ZNF43: variants seen among roughly 807,000 people sequenced by gnomAD.
ZNF43 encodes zinc finger protein 39-like 1 (KOX 27).
Under a neutral mutation model 68.4 loss-of-function variants are expected in ZNF43, and 44 were observed. The observed-to-expected ratio is 0.64, with a 90% CI of 0.51 to 0.83. The LOEUF (loss-of-function observed/expected upper bound fraction) is 0.83. ZNF43 is among the 40% of genes least tolerant of loss of function. The probability of loss-of-function intolerance (pLI) is 0.00; values close to 1 mark genes in which losing one functional copy is unlikely to be tolerated. For missense variants in ZNF43, 896 were observed against 933.2 expected (o/e 0.96, Z 0.52); for synonymous variants, 308 against 307.8 (o/e 1.00, Z -0.01).
rs748431447 is a variant in ZNF43, at chr19:21,809,363, G to C, written c.674C>G (p.Thr225Ser). The C allele has an allele frequency of 1.9e-6, 3 of 1,613,704 alleles. No homozygotes were observed. The highest frequency in any genetic ancestry group is 2.5e-6 in the Non-Finnish European group (3 of 1,179,872). The change falls in exon 4 of 4, where the codon ACT (threonine) becomes AGT (serine). Residue 225 changes from threonine to serine, a missense_variant. By Grantham distance (58) the Thr-to-Ser change is moderately conservative (BLOSUM62 1). Transcript: ENST00000354959. ...SIITKHKRINTGEKPYTCEEC... is the reference protein window; with the variant it reads ...SIITKHKRINSGEKPYTCEEC... ...TTCACATGTGTAGGGTTTCTCTCCA[G>C]TATTAATTCTCTTATGTTTAGTGAT... is the stretch of plus-strand genomic sequence containing the variant.
Position 21,836,176 on chromosome 19 carries a change from C to CAGAG in ZNF43, c.-142_-139dup. The CAGAG allele has an allele frequency of 1.3e-6, 2 of 1,537,094 alleles. No individual in the cohort carries two copies. Among genetic ancestry groups the CAGAG allele is most frequent in the East Asian group, 2.3e-5 (1 of 43,144 alleles). On this transcript the variant is annotated 5_prime_UTR_variant, in exon 1 of 4. Coordinates refer to ENST00000354959, the MANE Select transcript of ZNF43 (RefSeq NM_003423.4). ...CGAGACGCAGAGCTCCAACTGCAGC[C>CAGAG]AGAGACAAAGGCCCCGCCACATCCC...
At chr19:21,829,851 ACAT>A (rs1029318815) in intron 1 of ZNF43, among the ~76,000 whole-genome samples, 1 of 152,176 alleles carries the variant, frequency 6.6e-6, no homozygotes, top group Non-Finnish European at 1.5e-5. Context: ...ACAAAACCTG[ACAT>A]CATAAAAGAA....
intron 1 of ZNF43, among the ~76,000 whole-genome samples, chr19:21,832,132 T>C (rs541091519): frequency 6.6e-6 from 1 of 152,280 alleles, no homozygotes; most frequent in East Asian, 1.9e-4. Context: ...GACTTCAAAC[T>C]ATACCACAGG....
chr19:21,843,453 C>T (rs1967677881), intron 1 of ZNF43: 14 of 885,758 alleles, frequency 1.6e-5, no homozygotes, highest in Non-Finnish European at 1.9e-5. Flanking sequence ...TGAATCCATG[C>T]ATAACAACCT....
intron 1 of ZNF43, among the ~76,000 whole-genome samples, chr19:21,835,439 C>A (rs1240019220): frequency 7.0e-6 from 1 of 143,770 alleles, no homozygotes; most frequent in African/African-American, 2.6e-5. Context: ...CTCACTGCAT[C>A]CTCCGCCTCC....
chr19:21,843,465 A>C, intron 1 of ZNF43: 148 of 837,434 alleles, frequency 1.8e-4, no homozygotes, highest in Non-Finnish European at 2.0e-4. Flanking sequence ...TAACAACCTC[A>C]ATCTCTTCTG....
At chr19:21,823,233 G>A (rs577051730) in intron 1 of ZNF43, among the ~76,000 whole-genome samples, 1 of 152,258 alleles carries the variant, frequency 6.6e-6, no homozygotes, top group South Asian at 2.1e-4. Flanking sequence ...ATTCCTGGAT[G>A]ATAGGGATGA....
chr19:21,813,140 G>A (rs1355713378), intron 3 of ZNF43, among the ~76,000 whole-genome samples: 1 of 151,836 alleles, frequency 6.6e-6, no homozygotes, highest in African/African-American at 2.4e-5. Context: ...TACTCAGGAA[G>A]CTGAGGCAGA....
chr19:21,839,059 T>C (rs1277753561), upstream of ZNF43: 2 of 152,088 alleles, frequency 1.3e-5, no homozygotes, highest in African/African-American at 2.4e-5. Flanking sequence ...CCCCTAGATG[T>C]TGGTCTCAGC....
intron 1 of ZNF43, among the ~76,000 whole-genome samples, chr19:21,848,718 T>G (rs908568402): frequency 1.3e-5 from 2 of 152,212 alleles, no homozygotes; most frequent in Non-Finnish European, 2.9e-5. Flanking sequence ...AAAGGTCCAG[T>G]GATCAATTAA....
chr19:21,829,770 T>C (rs548428764), intron 1 of ZNF43, among the ~76,000 whole-genome samples: 4 of 152,186 alleles, frequency 2.6e-5, no homozygotes, highest in Admixed American at 6.5e-5. Flanking sequence ...TCTGGACATA[T>C]TGAACTCTTG....
upstream of ZNF43, among the ~76,000 whole-genome samples, chr19:21,839,345 A>AAG (rs1967344912): frequency 1.3e-5 from 2 of 150,538 alleles, no homozygotes; most frequent in African/African-American, 4.9e-5. Context: ...AAAAAAAAAA[A>AAG]AAAAAAAAAA....
intron 1 of ZNF43, among the ~76,000 whole-genome samples, chr19:21,829,894 A>G (rs1423073421): frequency 1.3e-5 from 2 of 152,192 alleles, no homozygotes; most frequent in South Asian, 2.1e-4. Flanking sequence ...CTGACCTCTA[A>G]GCTAACAGAG....
At position 21,808,997 on chromosome 19, in the gene ZNF43, C is replaced by G. The variant is rs1400909762; in HGVS notation, c.1040G>C (p.Cys347Ser). Residue 347 changes from cysteine to serine, a missense_variant, in exon 4 of 4, where the codon TGT (cysteine) becomes TCT (serine). Transcript: ENST00000354959. ...TGEKPYTCEE[C>S]GKAFNQFSNL... ...TGAGAACTGGTTAAAGGCTTTGCCA[C>G]ATTCTTCACATGTGTAGGGTTTCTC... 1 of 1,613,548 alleles carries G rather than the reference C, an allele frequency of 6.2e-7. No individual in the cohort carries two copies. The highest frequency in any genetic ancestry group is 8.5e-7 in the Non-Finnish European group (1 of 1,179,742).
chr19:21,849,488 CAAAAAAAAAAAAA>C (rs35354919), intron 1 of ZNF43, among the ~76,000 whole-genome samples: 3 of 29,496 alleles, frequency 1.0e-4, no homozygotes, highest in Non-Finnish European at 2.0e-4. Context: ...AACCCTGCCT[CAAAAAAAAAAAAA>C]AAAAAAAAAA....
intron 1 of ZNF43, among the ~76,000 whole-genome samples, chr19:21,850,345 G>A (rs1384182087): frequency 6.6e-6 from 1 of 150,872 alleles, no homozygotes; most frequent in Non-Finnish European, 1.5e-5. Flanking sequence ...GGTGGATCAC[G>A]AGGTCAGGAG....
At chr19:21,836,001 T>C (rs766119605) in intron 1 of ZNF43, 35 bp downstream of exon 1, 1 of 1,613,662 alleles carries the variant, frequency 6.2e-7, no homozygotes, top group South Asian at 1.1e-5. Flanking sequence ...CCACAGCCCC[T>C]TCCCCCTCTC....
At position 21,807,884 on chromosome 19, in the gene ZNF43, G is replaced by C. The variant is rs749942317; in HGVS notation, c.2153C>G (p.Ser718Cys). The change falls in exon 4 of 4, where the codon TCC (serine) becomes TGC (cysteine). Residue 718 changes from serine to cysteine, a missense_variant. Ser to Cys is a moderately radical substitution (Grantham distance 112). Transcript: ENST00000354959. ...TTTCTTATGTTCAATAAGGTTTGAG[G>C]ATCGGTTAAAAGCTTTGCCACATTT... ...CEKCGKAFNR[S>C]SNLIEHKKIH... 3.7e-6 allele frequency: 6 copies of C among 1,612,840 alleles called. No homozygotes were observed. The African/African-American group carries it at 5.3e-5, about 14-fold the overall frequency.
At position 21,809,976 on chromosome 19, in the gene ZNF43, A is replaced by G. The variant is rs34991670; in HGVS notation, c.230-169T>C. Among the ~76,000 whole-genome samples, 435 of 152,304 alleles carry G rather than the reference A, an allele frequency of 2.9e-3. 2 individuals carry two copies. The highest frequency in any genetic ancestry group is 4.0e-3 in the Non-Finnish European group (273 of 68,022). ...AAATGTAACAAAAACATACTGATCA[A>G]ATCAGTGAAAAATTTACAAATAAGT... On this transcript the variant is annotated intron_variant, in intron 3 of 3. Coordinates refer to ENST00000354959, the MANE Select transcript of ZNF43 (RefSeq NM_003423.4).
Sources: gnomAD v4.1 joint callset for allele counts (sites outside exome capture counted in the v4.1 genomes callset) on GRCh38, gnomAD v4.1.1 for gene constraint, MANE v1.5 for transcripts, NCBI Gene and HGNC (gene_info 2026-07-23, HGNC 2026-07-21) for gene names.